BICDL1: variants seen among roughly 807,000 people sequenced by gnomAD.
BICDL1 encodes the protein BICD family-like cargo adapter 1.
A neutral mutation model predicts 76.8 loss-of-function variants in BICDL1; 20 were observed. The observed-to-expected ratio is 0.26, with a 90% confidence interval of 0.18 to 0.38. The LOEUF (loss-of-function observed/expected upper bound fraction) is 0.38, where lower values mean the gene tolerates loss of function less well. Ranked by LOEUF, BICDL1 falls within the 10% of genes least tolerant of loss-of-function variation. BICDL1 has a pLI of 1.00. For missense variants in BICDL1, 700 were observed against 798.6 expected (o/e 0.88, Z 1.49); for synonymous variants, 383 against 337.1 (o/e 1.14, Z -1.49).
chr12:120,028,675 T>A (rs1401883178), intron 2 of BICDL1, among the ~76,000 whole-genome samples: 1 of 151,950 alleles, frequency 6.6e-6, no homozygotes, highest in East Asian at 1.9e-4. Context: ...AGACTCAGAC[T>A]CAAAAATAAT....
At chr12:120,019,226 A>C (rs1183210340) in intron 2 of BICDL1, 2 of 151,622 alleles carry the variant, frequency 1.3e-5, no homozygotes, top group East Asian at 1.9e-4. Flanking sequence ...AAGTTACTGC[A>C]CTCCAACCTG....
At chr12:120,017,557 C>G (rs565605307) in intron 2 of BICDL1, among the ~76,000 whole-genome samples, 1 of 151,842 alleles carries the variant, frequency 6.6e-6, no homozygotes, top group Non-Finnish European at 1.5e-5. Flanking sequence ...TAGCAAGACC[C>G]GTCTCTGCAA....
intron 7 of BICDL1, 161 bp from the exon 8 acceptor site, chr12:120,080,726 G>C: frequency 1.6e-6 from 1 of 628,232 alleles, no homozygotes; most frequent in Non-Finnish European, 2.6e-6. Flanking sequence ...CTTCAAGAGA[G>C]ACAGGCCCTC....
intron 2 of BICDL1, among the ~76,000 whole-genome samples, chr12:120,037,077 A>G (rs1248933581): frequency 6.6e-6 from 1 of 152,130 alleles, no homozygotes; most frequent in African/African-American, 2.4e-5. Context: ...TGTGACACCT[A>G]ATTTGTTTCA....
Position 120,013,115 on chromosome 12 carries a change from A to G in BICDL1, c.645+14379A>G, listed in dbSNP as rs569300991. Among the ~76,000 whole-genome samples, 7 of 152,262 alleles carry G rather than the reference A, an allele frequency of 4.6e-5. No individual in the cohort carries two copies. In the East Asian group the frequency reaches 1.4e-3, roughly 29 times the overall value. ...CACCTAAGGTCAGGAGTTCAAGACC[A>G]GCCTGGCCAACATGGCGAAACCCCG... On this transcript the variant is annotated intron_variant, in intron 2 of 9. Coordinates refer to ENST00000548673, the MANE Select transcript of BICDL1 (RefSeq NM_001367886.1).
Position 120,089,997 on chromosome 12 carries a change from A to T in BICDL1, c.1630A>T (p.Met544Leu), listed in dbSNP as rs770340311. The T allele has an allele frequency of 1.4e-5, 23 of 1,614,046 alleles. No individual in the cohort carries two copies. The South Asian group carries it at 2.5e-4, about 18-fold the overall frequency. ...ACTTGCCAAGTGCAGGATGGATATGATGTCTCTGAACAGCCAGTTGCTGGA... is the reference window on the plus strand; with the variant it reads ...ACTTGCCAAGTGCAGGATGGATATGTTGTCTCTGAACAGCCAGTTGCTGGA... Reference protein sequence around the residue: ...LELAKCRMDMMSLNSQLLDAI... With the variant: ...LELAKCRMDMLSLNSQLLDAI... The change falls in exon 9 of 10, where the codon ATG (methionine) becomes TTG (leucine). Residue 544 changes from methionine (M) to leucine (L), a missense_variant. By Grantham distance (15) the Met-to-Leu change is conservative. This residue lies in a region of BICDL1 where 455 missense variants were observed against 548.7 expected (regional missense o/e 0.83). Transcript: ENST00000548673.
At chr12:120,042,462 C>T (rs528068267) in intron 2 of BICDL1, among the ~76,000 whole-genome samples, 17 of 152,126 alleles carry the variant, frequency 1.1e-4, no homozygotes, top group Middle Eastern at 3.4e-3. Flanking sequence ...TTGAGTGTGA[C>T]GCACATTAGT....
chr12:120,021,283 CAA>C (rs370578617), intron 2 of BICDL1, among the ~76,000 whole-genome samples: 2 of 132,598 alleles, frequency 1.5e-5, no homozygotes, highest in Non-Finnish European at 1.6e-5. Context: ...GACTCCATCT[CAA>C]AAAAAAAAAG....
intron 2 of BICDL1, among the ~76,000 whole-genome samples, chr12:120,024,422 A>T (rs1416754110): frequency 6.6e-6 from 1 of 152,232 alleles, no homozygotes; most frequent in African/African-American, 2.4e-5. Flanking sequence ...ATTTGAGGAC[A>T]TAGTGATAGA....
At chr12:119,994,723 C>T (rs1487958607) in intron 1 of BICDL1, among the ~76,000 whole-genome samples, 1 of 152,128 alleles carries the variant, frequency 6.6e-6, no homozygotes, top group Non-Finnish European at 1.5e-5. Context: ...CTCCTGACCT[C>T]GTGATCTGCC....
intron 2 of BICDL1, among the ~76,000 whole-genome samples, chr12:120,032,944 A>T (rs1465269643): frequency 6.6e-6 from 1 of 151,898 alleles, no homozygotes; most frequent in Non-Finnish European, 1.5e-5. Flanking sequence ...ATAGGGTTTC[A>T]CCATGTTAGC....
rs1374344796 is a variant in BICDL1 at position 120,064,816 on chromosome 12, C to T, written c.846C>T (p.Thr282=). 3 of 1,613,470 alleles carry T rather than the reference C, an allele frequency of 1.9e-6. No homozygotes were observed. The highest frequency in any genetic ancestry group is 2.2e-5 in the East Asian group (1 of 44,822). Residue 282 remains threonine, a synonymous_variant, in exon 4 of 10, where the codon ACC becomes ACT. Coordinates refer to ENST00000548673, the MANE Select transcript of BICDL1 (RefSeq NM_001367886.1). ...AGGAAAATGACCTGCTCCAAGGGACCGTGGAGGAGCTACAGGACCGGGTGC... is the reference window on the plus strand; with the variant it reads ...AGGAAAATGACCTGCTCCAAGGGACTGTGGAGGAGCTACAGGACCGGGTGC... ...TLEENDLLQG[T]VEELQDRVLI...
chr12:120,074,689 G>GCT, intron 7 of BICDL1, 103 bp downstream of exon 7: 1 of 896,982 alleles, frequency 1.1e-6, no homozygotes, highest in Non-Finnish European at 1.3e-6. Flanking sequence ...GTGAGAAGTG[G>GCT]CTCTCCTTCA....
At chr12:120,052,164 G>C (rs1952873910) in intron 2 of BICDL1, among the ~76,000 whole-genome samples, 1 of 151,834 alleles carries the variant, frequency 6.6e-6, no homozygotes, top group South Asian at 2.1e-4. Context: ...GGCTGGTCTT[G>C]AACTCCTGAC....
chr12:120,061,058 G>A (rs7314959), intron 2 of BICDL1, among the ~76,000 whole-genome samples: 52,784 of 152,102 alleles, frequency 0.35, 12,240 homozygotes, highest in African/African-American at 0.66. Flanking sequence ...TGTGTTACCA[G>A]GTGAGCCTCC....
intron 2 of BICDL1, among the ~76,000 whole-genome samples, chr12:120,014,084 A>G (rs1952012867): frequency 6.6e-6 from 1 of 152,236 alleles, no homozygotes; most frequent in Non-Finnish European, 1.5e-5. Context: ...TGTGTTATAA[A>G]AAATCTTTGA....
At position 120,084,592 on chromosome 12, in the gene BICDL1, A is replaced by C. The variant is rs552636411; in HGVS notation, c.1583+3575A>C. ...CACACATTTTAACTTCTGACTTTAA[A>C]ATTCCTCATACTCAGGCCAGTTGCG... On this transcript the variant is annotated intron_variant, in intron 8 of 9. Transcript: ENST00000548673. Among the ~76,000 whole-genome samples the C allele has an allele frequency of 2.0e-5, 3 of 152,280 alleles. No homozygotes were observed. The South Asian group carries it at 6.2e-4, about 32-fold the overall frequency.
intron 1 of BICDL1, among the ~76,000 whole-genome samples, chr12:119,994,038 G>A (rs1470898156): frequency 2.0e-5 from 3 of 152,244 alleles, no homozygotes; most frequent in African/African-American, 7.2e-5. Context: ...AAGTAAGACA[G>A]TAACTTGTAT....
chr12:120,069,087 C>T (rs1229639597), intron 4 of BICDL1, among the ~76,000 whole-genome samples: 1 of 152,090 alleles, frequency 6.6e-6, no homozygotes. Context: ...ATCTCTGTGG[C>T]TGTGCTAGCT....
Sources: allele counts gnomAD v4.1 joint callset (sites outside exome capture counted in the v4.1 genomes callset), GRCh38; gene constraint gnomAD v4.1.1; regional missense constraint gnomAD v4.1.1; transcripts MANE v1.5; gene names NCBI Gene and HGNC (gene_info 2026-07-23, HGNC 2026-07-21).